The following SDK1 variants were observed in gnomAD, a reference collection of about 807,000 sequenced individuals.
The protein encoded by SDK1 is sidekick cell adhesion molecule 1.
Under a neutral mutation model 245.5 loss-of-function variants are expected in SDK1, and 157 were observed. That is an observed-to-expected ratio of 0.64 (90% CI 0.56 to 0.73). The LOEUF is 0.73. Ranked by LOEUF, SDK1 falls within the 30% of genes least tolerant of loss-of-function variation. The probability of loss-of-function intolerance (pLI) is 0.00; values close to 1 mark genes in which losing one functional copy is unlikely to be tolerated. For synonymous variants in SDK1, 1,647 were observed against 1,278.5 expected (o/e 1.29, Z -6.15); for missense variants, 3,583 against 3,002.3 (o/e 1.19, Z -4.52).
intron 22 of SDK1, 26 bp from the exon 23 acceptor site, chr7:4,110,637 C>G: frequency 1.3e-6 from 2 of 1,511,836 alleles, no homozygotes; most frequent in South Asian, 2.2e-5. Context: ...CATGTCCAGC[C>G]CATCTCAGTG....
intron 16 of SDK1, among the ~76,000 whole-genome samples, chr7:4,013,133 T>C (rs918326895): frequency 9.2e-5 from 14 of 152,200 alleles, no homozygotes; most frequent in Admixed American, 9.2e-4. Flanking sequence ...GCAGGCCAGA[T>C]GTGGCTGAAG....
intron 4 of SDK1, among the ~76,000 whole-genome samples, chr7:3,664,576 C>A (rs1469827195): frequency 1.3e-5 from 2 of 151,888 alleles, no homozygotes. Context: ...ATGTCTTCTA[C>A]TAAAAATACA....
chr7:3,828,966 G>T (rs1779848906), intron 5 of SDK1, among the ~76,000 whole-genome samples: 1 of 151,956 alleles, frequency 6.6e-6, no homozygotes, highest in South Asian at 2.1e-4. Context: ...CAAGATTGAA[G>T]TTTATACGCA....
chr7:3,748,972 G>C (rs1432877784), intron 4 of SDK1, among the ~76,000 whole-genome samples: 2 of 151,990 alleles, frequency 1.3e-5, no homozygotes, highest in Admixed American at 6.6e-5. Flanking sequence ...CAGTATACTA[G>C]GAAAAAAAAT....
At chr7:3,965,889 C>T (rs1375982653) in intron 9 of SDK1, among the ~76,000 whole-genome samples, 5 of 151,864 alleles carry the variant, frequency 3.3e-5, no homozygotes, top group Middle Eastern at 3.4e-3. Flanking sequence ...ACATCAGGTG[C>T]CTTGGAGGAG....
chr7:3,984,085 G>T (rs1368572758), intron 13 of SDK1, among the ~76,000 whole-genome samples: 4 of 152,172 alleles, frequency 2.6e-5, no homozygotes, highest in African/African-American at 9.7e-5. Context: ...CGTTTTTGCT[G>T]TTGGGTGTGC....
chr7:3,563,100 T>C (rs1779801579), intron 1 of SDK1, among the ~76,000 whole-genome samples: 2 of 152,184 alleles, frequency 1.3e-5, no homozygotes, highest in South Asian at 4.1e-4. Context: ...CAGATGGATC[T>C]GCTGGGGAGA....
In SDK1 at chr7:3,851,130, T is replaced by G. The variant is rs78055482; in HGVS notation, c.847+29547T>G. Among the ~76,000 whole-genome samples the G allele has an allele frequency of 5.5e-4, 84 of 152,304 alleles. 2 individuals are homozygous for G. The East Asian group carries it at 0.016, about 29-fold the overall frequency. On this transcript the variant is annotated intron_variant, in intron 5 of 44. Transcript: ENST00000404826. ...TAGTAATTCAAAATTATACCCTACG[T>G]GTTGGCATTTTCACTTGTTGGAGTG...
At chr7:4,090,273 G>A (rs568128133) in intron 22 of SDK1, among the ~76,000 whole-genome samples, 1 of 152,230 alleles carries the variant, frequency 6.6e-6, no homozygotes, top group African/African-American at 2.4e-5. Context: ...TCTCTTTCCA[G>A]TCTCATCCAC....
At chr7:3,471,624 A>C (rs535125280) in intron 1 of SDK1, among the ~76,000 whole-genome samples, 1 of 152,332 alleles carries the variant, frequency 6.6e-6, no homozygotes, top group Admixed American at 6.5e-5. Context: ...TGTTTGAAGT[A>C]AGTCAAGAGT....
chr7:3,708,673 C>T (rs1784952191), intron 4 of SDK1, among the ~76,000 whole-genome samples: 1 of 147,236 alleles, frequency 6.8e-6, no homozygotes, highest in Non-Finnish European at 1.5e-5. Flanking sequence ...AGTTACCTCC[C>T]ACCAGGCCCT....
rs140153197 is a variant in SDK1 at position 3,820,493 on chromosome 7, C to T, written c.714-957C>T. Reference sequence around the variant, plus strand: ...TTACCACCCTCATCCACCTCTTTAACTGGCAAAAAGAATACGGAATTATAA... The same window carrying T: ...TTACCACCCTCATCCACCTCTTTAATTGGCAAAAAGAATACGGAATTATAA... On this transcript the variant is annotated intron_variant, in intron 4 of 44. Coordinates refer to ENST00000404826, the MANE Select transcript of SDK1 (RefSeq NM_152744.4). Among the ~76,000 whole-genome samples, 879 of 152,274 alleles carry T rather than the reference C, an allele frequency of 5.8e-3. 12 individuals are homozygous for T. The highest frequency in any genetic ancestry group is 0.02 in the African/African-American group (816 of 41,548).
chr7:3,540,685 T>C (rs1295825483), intron 1 of SDK1, among the ~76,000 whole-genome samples: 2 of 152,208 alleles, frequency 1.3e-5, no homozygotes, highest in Non-Finnish European at 2.9e-5. Context: ...GACACAAGCA[T>C]GGTGCAGTCT....
chr7:4,244,879 T>A (rs187907556), intron 43 of SDK1, among the ~76,000 whole-genome samples: 8 of 152,320 alleles, frequency 5.3e-5, no homozygotes, highest in African/African-American at 1.9e-4. Context: ...AGGCCGCTCA[T>A]GGTCCCCTGC....
chr7:3,353,645 C>T (rs1337039237), intron 1 of SDK1, among the ~76,000 whole-genome samples: 1 of 152,174 alleles, frequency 6.6e-6, no homozygotes, highest in Non-Finnish European at 1.5e-5. Context: ...AGCTGCCCGT[C>T]AAAGCCAGAC....
intron 17 of SDK1, among the ~76,000 whole-genome samples, chr7:4,040,643 C>A (rs1176225757): frequency 6.6e-6 from 1 of 152,134 alleles, no homozygotes; most frequent in Non-Finnish European, 1.5e-5. Context: ...TTACATAGGG[C>A]ATGAAAGATT....
chr7:3,593,010 G>C (rs1780932951), intron 1 of SDK1, among the ~76,000 whole-genome samples: 1 of 152,196 alleles, frequency 6.6e-6, no homozygotes, highest in Non-Finnish European at 1.5e-5. Flanking sequence ...ACGCATTGCT[G>C]ACACCTGGAC....
intron 1 of SDK1, among the ~76,000 whole-genome samples, chr7:3,436,489 C>T (rs1231495608): frequency 6.6e-6 from 1 of 151,906 alleles, no homozygotes; most frequent in Non-Finnish European, 1.5e-5. Flanking sequence ...TGTTTGCAAA[C>T]CTGAATAAAT....
intron 4 of SDK1, among the ~76,000 whole-genome samples, chr7:3,645,701 G>A (rs927786000): frequency 6.6e-6 from 1 of 152,004 alleles, no homozygotes. Flanking sequence ...AGATGGGAGG[G>A]TATCTCTGCA....
Sources: allele counts gnomAD v4.1 joint callset (sites outside exome capture counted in the v4.1 genomes callset), GRCh38; gene constraint gnomAD v4.1.1; transcripts MANE v1.5; gene names NCBI Gene and HGNC (gene_info 2026-07-23, HGNC 2026-07-21).